The following FRMD1 variants were observed in gnomAD, a reference collection of about 807,000 sequenced individuals.
FRMD1 encodes FERM domain containing 1.
Under a neutral mutation model 54.9 loss-of-function variants are expected in FRMD1, and 51 were observed. That is an observed-to-expected ratio of 0.93 (90% confidence interval 0.74 to 1.17). The LOEUF (loss-of-function observed/expected upper bound fraction) is 1.17, where lower values mean the gene tolerates loss of function less well. Ranked by LOEUF, FRMD1 falls within the 50% of genes most tolerant of loss-of-function variation. FRMD1 has a pLI of 0.00. For missense variants in FRMD1, 729 were observed against 743.0 expected, an observed-to-expected ratio of 0.98 and a Z score of 0.22; for synonymous variants, 324 against 306.4, an observed-to-expected ratio of 1.06 and a Z score of -0.60.
At chr6:168,071,498 G>C (rs1800306710) in intron 2 of FRMD1, among the ~76,000 whole-genome samples, 1 of 152,168 alleles carries the variant, frequency 6.6e-6, no homozygotes, top group South Asian at 2.1e-4. Context: ...CGCCAGGGAG[G>C]TTGAGGGGCC....
At position 168,061,195 on chromosome 6, in the gene FRMD1, G is replaced by A. The variant is rs1799713172; in HGVS notation, c.1046-138C>T. ...TGGAACAGGCAGGGAGACCAGGCCT[G>A]CGGGTAAACGCTGAGGCCAGGCCTT... On this transcript the variant is annotated intron_variant, in intron 8 of 10. Transcript: ENST00000283309. 1.1e-5 allele frequency: 9 copies of A among 810,320 alleles called. No homozygotes were observed. In the South Asian group the frequency reaches 1.6e-4, roughly 15 times the overall value. The allele number at this position is 810,320 out of a possible 1,614,324, so 50.2% of individuals were successfully genotyped here. A position where few individuals can be genotyped will look rare whatever the true frequency, so the allele number is the denominator to read the frequency against.
chr6:168,083,856 T>G (rs1220034316), upstream of FRMD1, among the ~76,000 whole-genome samples: 3 of 152,242 alleles, frequency 2.0e-5, no homozygotes, highest in African/African-American at 4.8e-5. Flanking sequence ...CCTTCTCTTT[T>G]TGATGAGATG....
chr6:168,067,599 G>T, intron 2 of FRMD1, 153 bp from the exon 3 acceptor site: 1 of 583,928 alleles, frequency 1.7e-6, no homozygotes. Context: ...TTCCTTGGCT[G>T]ACAACGCAGA....
At chr6:168,061,109 G>A in intron 8 of FRMD1, 52 bp from the exon 9 acceptor site, 3 of 1,543,038 alleles carry the variant, frequency 1.9e-6, no homozygotes, top group Non-Finnish European at 2.6e-6. Flanking sequence ...GACCAGCCCT[G>A]CTGATGCAGG....
rs751273264 is a variant in FRMD1, at chr6:168,065,023, A to C, written c.496T>G (p.Leu166Val). 6.2e-7 allele frequency: 1 copy of C among 1,611,056 alleles called. No individual in the cohort carries two copies. Among genetic ancestry groups the C allele is most frequent in the Non-Finnish European group, 8.5e-7 (1 of 1,179,264 alleles). The change falls in exon 5 of 11, where the codon TTG becomes GTG. Residue 166 changes from leucine (L) to valine (V), a missense_variant. By Grantham distance (32) the Leu-to-Val change is conservative (BLOSUM62 1). Transcript: ENST00000283309. ...HRARHLYYCHLKERVLRSQCA... is the reference protein window; with the variant it reads ...HRARHLYYCHVKERVLRSQCA... ...TGTGACCTCAGCACGCGCTCCTTCA[A>C]GTGGCAGTAGTACAGGTGCCGTGCC...
chr6:168,087,346 G>T (rs967769820), intron 1 of FRMD1, among the ~76,000 whole-genome samples: 9 of 152,218 alleles, frequency 5.9e-5, no homozygotes, highest in Admixed American at 2.6e-4. Context: ...GGGATTACAG[G>T]CATGAGCCAC....
intron 1 of FRMD1, 77 bp downstream of exon 1, chr6:168,078,805 C>CACTCCCATGGCTCTGTTT: frequency 1.6e-6 from 2 of 1,279,422 alleles, no homozygotes; most frequent in Non-Finnish European, 2.1e-6. Context: ...GGGCCCTGCT[C>CACTCCCATGGCTCTGTTT]ACCCCCACGG....
chr6:168,075,720 G>A (rs1442521039), intron 1 of FRMD1: 12 of 1,520,452 alleles, frequency 7.9e-6, no homozygotes, highest in South Asian at 3.6e-5. Context: ...CCCCATGAGC[G>A]CGAGCATCGG....
Position 168,059,288 on chromosome 6 carries a change from C to A in FRMD1, c.1343-100G>T. ...GCACTTCTGGGGCCCTGGTCTCGGACCGGCATCTCCTGAGGCTCACACCGC... is the reference window on the plus strand; with the variant it reads ...GCACTTCTGGGGCCCTGGTCTCGGAACGGCATCTCCTGAGGCTCACACCGC... On this transcript the variant is annotated intron_variant, in intron 9 of 10. Transcript: ENST00000283309. This position sits in a 1 kb window ranked among gnomAD's most constrained non-coding sequence, Gnocchi z 4.4. 1.0e-6 allele frequency: 1 copy of A among 977,706 alleles called. No homozygotes were observed. Among genetic ancestry groups the A allele is most frequent in the Non-Finnish European group, 1.5e-6 (1 of 652,524 alleles). The allele number at this position is 977,706 out of a possible 1,614,324, so 60.6% of individuals were successfully genotyped here.
At chr6:168,081,653 G>A (rs923248802), upstream of FRMD1, 2 of 743,890 alleles carry the variant, frequency 2.7e-6, no homozygotes, top group Admixed American at 3.1e-5. Context: ...CTGTTCCGTG[G>A]TGAGAAGGAA....
intron 2 of FRMD1, among the ~76,000 whole-genome samples, chr6:168,068,580 T>C (rs1800154739): frequency 6.6e-6 from 1 of 152,246 alleles, no homozygotes. Flanking sequence ...GCTCATATTA[T>C]TTTATTGTTG....
In FRMD1 at chr6:168,078,873, C is replaced by G; in HGVS notation, c.213+9G>C. ...GTTTACCCCCACGGCCACCCAGGGC[C>G]CTGCTCACCCCCACGGCCAGCCGCA... On this transcript the variant is annotated intron_variant, in intron 1 of 10. Coordinates refer to ENST00000283309, the MANE Select transcript of FRMD1 (RefSeq NM_024919.6). 4 of 1,573,314 alleles carry G rather than the reference C, an allele frequency of 2.5e-6. No homozygotes were observed. The highest frequency in any genetic ancestry group is 1.7e-4 in the Middle Eastern group (1 of 5,894).
chr6:168,063,538 G>C, intron 6 of FRMD1, 63 bp downstream of exon 6: 1 of 1,500,500 alleles, frequency 6.7e-7, no homozygotes, highest in Non-Finnish European at 8.9e-7. Flanking sequence ...CAGCCATGGG[G>C]GCTCCGTGCA....
chr6:168,075,801 G>A, intron 1 of FRMD1: 1 of 1,550,106 alleles, frequency 6.5e-7, no homozygotes, highest in Non-Finnish European at 8.7e-7. Context: ...AGCCTCTCAC[G>A]GCAGCCTCTA....
chr6:168,067,888 T>C lies in FRMD1; in HGVS notation c.305-442A>G, dbSNP rs541451433. On this transcript the variant is annotated intron_variant, in intron 2 of 10. Transcript: ENST00000283309. ...AATTTTGGAGGCCAAGGCAGGAGGA[T>C]TGCTTGAGGCCAGGAATTCAAGACA... Among the ~76,000 whole-genome samples the C allele has an allele frequency of 5.9e-5, 9 of 152,034 alleles. No homozygotes were observed. The South Asian group carries it at 1.7e-3, about 28-fold the overall frequency.
At chr6:168,079,249 A>G (rs914109350), upstream of FRMD1, 158 of 1,371,726 alleles carry the variant, frequency 1.2e-4, no homozygotes, top group Middle Eastern at 7.7e-4. Flanking sequence ...AGCATGGCCA[A>G]GCCAGGACAA....
chr6:168,075,726 A>T (rs1385532361), intron 1 of FRMD1: 1 of 1,535,362 alleles, frequency 6.5e-7, no homozygotes, highest in Non-Finnish European at 8.8e-7. Flanking sequence ...GAGCGCGAGC[A>T]TCGGTGTCTC....
chr6:168,056,838 T>C lies in FRMD1; in HGVS notation c.*259A>G. 2.9e-6 allele frequency: 1 copy of C among 345,168 alleles called. No individual in the cohort carries two copies. The highest frequency in any genetic ancestry group is 5.2e-6 in the Non-Finnish European group (1 of 192,164). The allele number at this position is 345,168 out of a possible 1,614,324, so 21.4% of individuals were successfully genotyped here. ...TCTCTGGACACTTGACAGCCAGACC[T>C]TGAACTGGCTCCCTGAGACCCTGAG... is the stretch of plus-strand genomic sequence containing the variant. On this transcript the variant is annotated 3_prime_UTR_variant, in exon 11 of 11. Coordinates refer to ENST00000283309, the MANE Select transcript of FRMD1 (RefSeq NM_024919.6).
intron 4 of FRMD1, 159 bp from the exon 5 acceptor site, chr6:168,065,216 G>T: frequency 1.4e-6 from 2 of 1,417,336 alleles, no homozygotes; most frequent in South Asian, 3.1e-5. Flanking sequence ...TCCCTGCAGG[G>T]CCAGCACGGC....
Sources: allele counts gnomAD v4.1 joint callset (sites outside exome capture counted in the v4.1 genomes callset), GRCh38; gene constraint gnomAD v4.1.1; non-coding constraint Gnocchi (gnomAD v3.1); transcripts MANE v1.5; gene names NCBI Gene and HGNC (gene_info 2026-07-23, HGNC 2026-07-21).